The following ALDH6A1 variants were observed in gnomAD, a reference collection of about 807,000 sequenced individuals.
ALDH6A1 encodes methylmalonate-semialdehyde/malonate-semialdehyde dehydrogenase [acylating], mitochondrial.
A neutral mutation model predicts 62.6 loss-of-function variants in ALDH6A1; 43 were observed. The ratio of observed to expected loss-of-function variants is 0.69; its 90% CI spans 0.54 to 0.89. ALDH6A1 has a LOEUF of 0.89. Among genes scored for constraint, ALDH6A1 ranks in the 40% least tolerant of loss-of-function variants. ALDH6A1 has a pLI of 0.00. For synonymous variants in ALDH6A1, 194 were observed against 234.2 expected, an observed-to-expected ratio of 0.83 and a Z score of 1.57; for missense variants, 551 against 661.3, an observed-to-expected ratio of 0.83 and a Z score of 1.83.
At position 74,057,637 on chromosome 14, in the gene ALDH6A1, T is replaced by C; in HGVS notation, c.*3005A>G. ...TAGAGGACAAAGGCTTATAAGGAGA[T>C]ATGAAATGATTTTTTTAAGCCAAGT... On this transcript the variant is annotated 3_prime_UTR_variant, in exon 12 of 12. Coordinates refer to ENST00000553458, the MANE Select transcript of ALDH6A1 (RefSeq NM_005589.4). 1 of 1,333,156 alleles carries C rather than the reference T, an allele frequency of 7.5e-7. No individual in the cohort carries two copies. The highest frequency in any genetic ancestry group is 9.8e-7 in the Non-Finnish European group (1 of 1,021,332). The allele number at this position is 1,333,156 out of a possible 1,614,324, so 82.6% of individuals were successfully genotyped here.
Position 74,074,938 on chromosome 14 carries a change from A to C in ALDH6A1, c.111+17T>G. 4.3e-6 allele frequency: 7 copies of C among 1,613,088 alleles called. No homozygotes were observed. The highest frequency in any genetic ancestry group is 5.9e-6 in the Non-Finnish European group (7 of 1,179,100). On this transcript the variant is annotated intron_variant, in intron 2 of 11. Transcript: ENST00000553458. ...AATTCCTTCTCAGAAGTCAACCTCT[A>C]TGCCAAATAAACTCACCACTGAAGA...
Position 74,057,671 on chromosome 14 carries a change from T to G in ALDH6A1, c.*2971A>C, listed in dbSNP as rs2060248493. ...ATTTTTTTAAGCCAAGTTTTTCTCT[T>G]TAAGAGTTTTTAATTTATAATTTGT... On this transcript the variant is annotated 3_prime_UTR_variant, in exon 12 of 12. Coordinates refer to ENST00000553458, the MANE Select transcript of ALDH6A1 (RefSeq NM_005589.4). The G allele has an allele frequency of 7.7e-7, 1 of 1,302,234 alleles. No homozygotes were observed. Among genetic ancestry groups the G allele is most frequent in the African/African-American group, 1.5e-5 (1 of 65,378 alleles). 80.7% of individuals were successfully genotyped at this position (1,302,234 alleles called of 1,614,324 possible).
At chr14:74,065,610 TA>T in intron 9 of ALDH6A1, 2 of 489,960 alleles carry the variant, frequency 4.1e-6, no homozygotes, top group South Asian at 4.2e-5. Flanking sequence ...TAAGGGACTG[TA>T]TCTTTAGTTC....
rs754828960 is a variant in ALDH6A1, at chr14:74,072,271, C to T, written c.280G>A (p.Ala94Thr). ...TGGCGGCTTAATACTGAAGTGTCTG[C>T]CCATGCAGGAAAAGCACGTTTGCAG... ...ASCKRAFPAW[A>T]DTSVLSRQQV... Residue 94 changes from alanine to threonine, a missense_variant, in exon 4 of 12, where the codon GCA becomes ACA. Coordinates refer to ENST00000553458, the MANE Select transcript of ALDH6A1 (RefSeq NM_005589.4). 2.5e-6 allele frequency: 4 copies of T among 1,614,204 alleles called. No homozygotes were observed. Among genetic ancestry groups the T allele is most frequent in the Middle Eastern group, 1.6e-4 (1 of 6,062 alleles).
chr14:74,060,801 T>G (rs2060322934), intron 11 of ALDH6A1, 55 bp from the exon 12 acceptor site: 1 of 1,290,944 alleles, frequency 7.7e-7, no homozygotes, highest in African/African-American at 1.5e-5. Context: ...ATGATTCTTC[T>G]TTTAATTAGC....
At chr14:74,078,144 C>G in intron 1 of ALDH6A1, 2 of 452,038 alleles carry the variant, frequency 4.4e-6, no homozygotes, top group South Asian at 3.1e-5. Flanking sequence ...ACTCCCAATT[C>G]TACTAATTCC....
At position 74,072,240 on chromosome 14, in the gene ALDH6A1, A is replaced by G. The variant is rs2060560548; in HGVS notation, c.311T>C (p.Val104Ala). 6.2e-7 allele frequency: 1 copy of G among 1,614,220 alleles called. No homozygotes were observed. The highest frequency in any genetic ancestry group is 8.5e-7 in the Non-Finnish European group (1 of 1,180,038). ...ADTSVLSRQQ[V>A]LLRYQQLIKE... ...AATAAGTTGTTGATAGCGGAGCAAG[A>G]CCTGCTGGCGGCTTAATACTGAAGT... is the stretch of plus-strand genomic sequence containing the variant. The change falls in exon 4 of 12, where the codon GTC becomes GCC. Residue 104 changes from valine (V) to alanine (A), a missense_variant. By Grantham distance (64) the Val-to-Ala change is moderately conservative (BLOSUM62 0). Transcript: ENST00000553458.
In ALDH6A1 at chr14:74,077,685, C is replaced by T. The variant is rs2060627463; in HGVS notation, c.49-2668G>A. Among the ~76,000 whole-genome samples the T allele has an allele frequency of 2.0e-5, 3 of 152,110 alleles. No individual in the cohort carries two copies. In the South Asian group the frequency reaches 6.2e-4, roughly 31 times the overall value. On this transcript the variant is annotated intron_variant, in intron 1 of 11. Coordinates refer to ENST00000553458, the MANE Select transcript of ALDH6A1 (RefSeq NM_005589.4). ...TTCATGAGGGATCCACCCCCATGACCCAAACACCTCCCACTAGGTCCCAAC... is the reference window on the plus strand; with the variant it reads ...TTCATGAGGGATCCACCCCCATGACTCAAACACCTCCCACTAGGTCCCAAC...
chr14:74,084,419 A>G lies in ALDH6A1; in HGVS notation c.-25T>C, dbSNP rs1595138479. 4 of 1,610,974 alleles carry G rather than the reference A, an allele frequency of 2.5e-6. No individual in the cohort carries two copies. The highest frequency in any genetic ancestry group is 3.4e-6 in the Non-Finnish European group (4 of 1,179,468). ...TGGCTCTCGGCCGCCCTAGCTCCGC[A>G]CCCCGCGCCTCTACTGCCCAGAAGC... is the stretch of plus-strand genomic sequence containing the variant. On this transcript the variant is annotated 5_prime_UTR_variant, in exon 1 of 12. Coordinates refer to ENST00000553458, the MANE Select transcript of ALDH6A1 (RefSeq NM_005589.4).
In ALDH6A1 at chr14:74,059,550, C is replaced by T; in HGVS notation, c.*1092G>A. Reference sequence around the variant, plus strand: ...GTCTCTACTAAAAATACAAAATTAGCTGGGTGTGGTGGCGCATGCCTGTAA... The same window carrying T: ...GTCTCTACTAAAAATACAAAATTAGTTGGGTGTGGTGGCGCATGCCTGTAA... On this transcript the variant is annotated 3_prime_UTR_variant, in exon 12 of 12. Coordinates refer to ENST00000553458, the MANE Select transcript of ALDH6A1 (RefSeq NM_005589.4). 1 of 330,026 alleles carries T rather than the reference C, an allele frequency of 3.0e-6. No individual in the cohort carries two copies. The highest frequency in any genetic ancestry group is 5.9e-6 in the Non-Finnish European group (1 of 168,182). The allele number at this position is 330,026 out of a possible 1,614,324, so 20.4% of individuals were successfully genotyped here.
intron 11 of ALDH6A1, 86 bp downstream of exon 11, chr14:74,064,736 G>GTCCCTTCC: frequency 2.5e-6 from 4 of 1,612,616 alleles, no homozygotes; most frequent in Non-Finnish European, 3.4e-6. Context: ...GCTGCTGGCA[G>GTCCCTTCC]TCCCTTCCTT....
chr14:74,059,150 C>A lies in ALDH6A1; in HGVS notation c.*1492G>T. The A allele has an allele frequency of 5.4e-6, 1 of 183,984 alleles. No individual in the cohort carries two copies. 11.4% of individuals were successfully genotyped at this position (183,984 alleles called of 1,614,324 possible). On this transcript the variant is annotated 3_prime_UTR_variant, in exon 12 of 12. Coordinates refer to ENST00000553458, the MANE Select transcript of ALDH6A1 (RefSeq NM_005589.4). ...TAATGGCAGAAGAAGACTGTCAAAG[C>A]ATTTTTTTTTAACCACTTTATGTCA...
At chr14:74,068,727 G>C (rs2060507122) in intron 7 of ALDH6A1, 133 bp downstream of exon 7, 1 of 1,069,740 alleles carries the variant, frequency 9.3e-7, no homozygotes, top group African/African-American at 1.8e-5. Context: ...TGGTGACAGA[G>C]AGACTCTGTC....
intron 5 of ALDH6A1, 24 bp from the exon 6 acceptor site, chr14:74,071,521 C>T: frequency 6.2e-7 from 1 of 1,613,118 alleles, no homozygotes; most frequent in Non-Finnish European, 8.5e-7. Flanking sequence ...GTCAGGCCAT[C>T]AGCTCTCCAC....
At chr14:74,083,328 C>A (rs911597605) in intron 1 of ALDH6A1, among the ~76,000 whole-genome samples, 3 of 152,130 alleles carry the variant, frequency 2.0e-5, no homozygotes, top group Non-Finnish European at 4.4e-5. Context: ...TTCTTGCCTG[C>A]GGTAAATCTT....
At position 74,057,205 on chromosome 14, in the gene ALDH6A1, T is replaced by C. The variant is rs1396607704; in HGVS notation, c.*3437A>G. 26 of 1,613,996 alleles carry C rather than the reference T, an allele frequency of 1.6e-5. No individual in the cohort carries two copies. The highest frequency in any genetic ancestry group is 2.2e-5 in the Non-Finnish European group (26 of 1,179,994). The stretch of plus-strand genomic sequence containing the variant: ...CCAGCAAATTGCAATATCAGACTCT[T>C]CTGGTGAAGTGGTGCTACCCACTAT... On this transcript the variant is annotated 3_prime_UTR_variant, in exon 12 of 12. Transcript: ENST00000553458.
Position 74,072,294 on chromosome 14 carries a change from C to T in ALDH6A1, c.257G>A (p.Cys86Tyr). 1 of 1,614,226 alleles carries T rather than the reference C, an allele frequency of 6.2e-7. No homozygotes were observed. The highest frequency in any genetic ancestry group is 1.7e-5 in the Admixed American group (1 of 60,024). The change falls in exon 4 of 12, where the codon TGC becomes TAC. Residue 86 changes from cysteine to tyrosine, a missense_variant. Transcript: ENST00000553458. ...TGCCCATGCAGGAAAAGCACGTTTGCAGGAAGCAATGGCTGCATCCATTTC... is the reference window on the plus strand; with the variant it reads ...TGCCCATGCAGGAAAAGCACGTTTGTAGGAAGCAATGGCTGCATCCATTTC... ...KAEMDAAIAS[C>Y]KRAFPAWADT... is the part of the protein sequence containing the mutation.
At position 74,068,861 on chromosome 14, in the gene ALDH6A1, A is replaced by C; in HGVS notation, c.851T>G (p.Met284Arg). ...GAGAAAAAAGGAATAAGAAGTCACC[A>C]TATTGGCTTGAACCCTCTTGCCATG... ...SRHGKRVQAN[M>R]GAKNHGVVMP... Residue 284 changes from methionine (M) to arginine (R), a missense_variant and splice_region_variant, in exon 7 of 12, where the codon ATG becomes AGG. By Grantham distance (91) the Met-to-Arg change is moderately conservative (BLOSUM62 -1). Transcript: ENST00000553458. The C allele has an allele frequency of 6.2e-7, 1 of 1,614,050 alleles. No individual in the cohort carries two copies. Among genetic ancestry groups the C allele is most frequent in the Middle Eastern group, 1.6e-4 (1 of 6,062 alleles).
intron 1 of ALDH6A1, among the ~76,000 whole-genome samples, chr14:74,076,199 AATTTT>A (rs201389160): frequency 0.01 from 1,558 of 152,322 alleles, 32 homozygotes; most frequent in African/African-American, 0.036. Flanking sequence ...GTTTTGTGTC[AATTTT>A]ATTTTAATAA....
Sources: allele counts gnomAD v4.1 joint callset (sites outside exome capture counted in the v4.1 genomes callset), GRCh38; gene constraint gnomAD v4.1.1; transcripts MANE v1.5; gene names NCBI Gene and HGNC (gene_info 2026-07-23, HGNC 2026-07-21).